FBN3: variants seen among roughly 807,000 people sequenced by gnomAD.
FBN3 encodes the protein fibrillin-3.
In FBN3, 234 loss-of-function variants were observed where a neutral mutation model predicts 330.1. That is an observed-to-expected ratio of 0.71 (90% CI 0.64 to 0.79). The LOEUF is 0.79. FBN3 is among the 30% of genes least tolerant of loss of function. The pLI is 0.00. For synonymous variants in FBN3, 1,458 were observed against 1,517.3 expected, an observed-to-expected ratio of 0.96 and a Z score of 0.91; for missense variants, 3,606 against 3,886.9, an observed-to-expected ratio of 0.93 and a Z score of 1.92.
At chr19:8,068,439 G>A (rs1263695908) in intron 63 of FBN3, among the ~76,000 whole-genome samples, 4 of 151,322 alleles carry the variant, frequency 2.6e-5, no homozygotes, top group East Asian at 1.9e-4. Flanking sequence ...GCTCATGCCT[G>A]TACTCCCAGC....
intron 40 of FBN3, 47 bp downstream of exon 40, chr19:8,102,677 T>C (rs755752084): frequency 5.7e-6 from 9 of 1,583,692 alleles, no homozygotes; most frequent in Non-Finnish European, 6.9e-6. Flanking sequence ...TTAACCATTA[T>C]GCTAGGAGGG....
At chr19:8,120,741 T>G (rs1357861163) in intron 25 of FBN3, among the ~76,000 whole-genome samples, 1 of 152,196 alleles carries the variant, frequency 6.6e-6, no homozygotes, top group Admixed American at 6.6e-5. Flanking sequence ...CCTCTCAAAA[T>G]GCTGGGATTA....
rs1286991962 is a variant in FBN3 at position 8,147,421 on chromosome 19, C to A, written c.60G>T (p.Trp20Cys). The change falls in exon 2 of 64, where the codon TGG becomes TGT. Residue 20 changes from tryptophan (W) to cysteine (C), a missense_variant. Trp to Cys is a radical substitution (Grantham distance 215). Coordinates refer to ENST00000600128, the MANE Select transcript of FBN3 (RefSeq NM_032447.5). ...RGPLARLLLA[W>C]SALLCMAGGQ... ...CACCTGCCATGCACAACAGGGCCGA[C>A]CAGGCCAGCAGGAGCCGGGCCAGGG... 3.1e-6 allele frequency: 5 copies of A among 1,591,214 alleles called. No individual in the cohort carries two copies. The highest frequency in any genetic ancestry group is 2.7e-5 in the African/African-American group (2 of 74,552).
intron 57 of FBN3, among the ~76,000 whole-genome samples, chr19:8,082,357 CTCTT>C (rs998644818): frequency 6.9e-5 from 9 of 129,574 alleles, no homozygotes; most frequent in African/African-American, 9.2e-5. Context: ...TTGTCTCTCT[CTCTT>C]TCTTTTTTCT....
intron 57 of FBN3, 71 bp downstream of exon 57, chr19:8,083,176 G>A: frequency 6.3e-7 from 1 of 1,578,094 alleles, no homozygotes; most frequent in Non-Finnish European, 8.7e-7. Context: ...TCTCAGGGAA[G>A]TTGAGTTCAG....
chr19:8,147,445 G>C lies in FBN3; in HGVS notation c.36C>G (p.Pro12=), dbSNP rs1244409385. ...ACCAGGCCAGCAGGAGCCGGGCCAG[G>C]GGGCCCCTTGCCAAATACAGACCCT... ...TLEGLYLARG[P]LARLLLAWSA... The change falls in exon 2 of 64, where the codon CCC becomes CCG. Residue 12 remains proline, a synonymous_variant. Transcript: ENST00000600128. 1 of 1,563,210 alleles carries C rather than the reference G, an allele frequency of 6.4e-7. No individual in the cohort carries two copies. The highest frequency in any genetic ancestry group is 2.3e-5 in the East Asian group (1 of 43,496).
At position 8,100,901 on chromosome 19, in the gene FBN3, C is replaced by T; in HGVS notation, c.5161G>A (p.Asp1721Asn). The T allele has an allele frequency of 2.5e-6, 4 of 1,613,412 alleles. No homozygotes were observed. Among genetic ancestry groups the T allele is most frequent in the Non-Finnish European group, 3.4e-6 (4 of 1,179,628 alleles). The change falls in exon 41 of 64, where the codon GAC (aspartate) becomes AAC (asparagine). Residue 1721 changes from aspartate to asparagine, a missense_variant and splice_region_variant. Asp to Asn is a conservative substitution (Grantham distance 23, BLOSUM62 1). Transcript: ENST00000600128. The part of the protein sequence containing the change: ...LTDIHTGKPL[D>N]IDECGEIPAI... ...GATAGAGCAGGGACCACTCACTCAC[C>T]AAGGGGCTTCCCCGTGTGGATGTCA...
rs141083325 is a variant in FBN3, at chr19:8,124,107, G to A, written c.2732-99C>T. The A allele has an allele frequency of 4.5e-3, 4,809 of 1,060,440 alleles. 12 individuals are homozygous for A. The highest frequency in any genetic ancestry group is 5.9e-3 in the Non-Finnish European group (4,229 of 712,358). 65.7% of individuals were successfully genotyped at this position (1,060,440 alleles called of 1,614,324 possible). ...TCACTCCCATCGGAAACTTTCTCCC[G>A]GACGTAGTCAGGTCGAGGGCCAGAG... On this transcript the variant is annotated intron_variant, in intron 22 of 63. Coordinates refer to ENST00000600128, the MANE Select transcript of FBN3 (RefSeq NM_032447.5).
rs146322736 is a variant in FBN3 at position 8,116,792 on chromosome 19, G to C, written c.3594C>G (p.Asp1198Glu). Residue 1198 changes from aspartate to glutamate, a missense_variant, in exon 29 of 64, where the codon GAC (aspartate) becomes GAG (glutamate). By Grantham distance (45) the Asp-to-Glu change is conservative. Transcript: ENST00000600128. ...MPDGRACADV[D>E]ECEENPRVCD... Reference sequence around the variant, plus strand: ...AAACGCGGGGGTTCTCTTCACACTCGTCCACGTCTGGGGGAGCAGGGTTGG... The same window carrying C: ...AAACGCGGGGGTTCTCTTCACACTCCTCCACGTCTGGGGGAGCAGGGTTGG... The C allele has an allele frequency of 1.9e-6, 3 of 1,613,820 alleles. No homozygotes were observed. The highest frequency in any genetic ancestry group is 2.5e-6 in the Non-Finnish European group (3 of 1,179,862).
At chr19:8,075,214 A>G in intron 60 of FBN3, 24 bp from the exon 61 acceptor site, 2 of 1,570,144 alleles carry the variant, frequency 1.3e-6, no homozygotes, top group Non-Finnish European at 1.7e-6. Flanking sequence ...AGAGGGAGAG[A>G]GGGTTTACCA....
In FBN3 at chr19:8,144,868, G is replaced by A; in HGVS notation, c.541+9C>T. The A allele has an allele frequency of 6.3e-7, 1 of 1,596,476 alleles. No individual in the cohort carries two copies. The highest frequency in any genetic ancestry group is 1.1e-5 in the South Asian group (1 of 87,894). The stretch of plus-strand genomic sequence containing the variant: ...CCCTGTCTACCTCCCACCCGCGCAT[G>A]CTTGGTACCTCTCTCACATTGAGGT... On this transcript the variant is annotated intron_variant, in intron 6 of 63. Transcript: ENST00000600128.
At chr19:8,083,530 C>A (rs529930820) in intron 56 of FBN3, among the ~76,000 whole-genome samples, 158 bp from the exon 57 acceptor site, 1 of 152,272 alleles carries the variant, frequency 6.6e-6, no homozygotes, top group East Asian at 1.9e-4. Context: ...ACCCCATCCT[C>A]AGGCTGCGGA....
chr19:8,135,935 T>TTGGGGGGGGGGGGGGGGGGGGGCC, intron 13 of FBN3, 26 bp downstream of exon 13: 6 of 1,344,156 alleles, frequency 4.5e-6, no homozygotes, highest in Non-Finnish European at 6.0e-6. Flanking sequence ...CGGAAGCCCC[T>TTGGGGGGGGGGGGGGGGGGGGGCC]GCCCACCCGC....
intron 40 of FBN3, among the ~76,000 whole-genome samples, chr19:8,102,522 C>A (rs2082349191): frequency 2.0e-5 from 3 of 152,090 alleles, no homozygotes; most frequent in Admixed American, 2.0e-4. Flanking sequence ...CCAGCCAAAC[C>A]TCTTTTTCTT....
chr19:8,141,930 C>G lies in FBN3; in HGVS notation c.739+10G>C. ...AAGGCCTCCCACTCAGCCCTGACCC[C>G]ACTATTCACCTTGGCAGGCCCCCGT... On this transcript the variant is annotated intron_variant, in intron 7 of 63. Transcript: ENST00000600128. 1 of 1,614,132 alleles carries G rather than the reference C, an allele frequency of 6.2e-7. No homozygotes were observed. The highest frequency in any genetic ancestry group is 8.5e-7 in the Non-Finnish European group (1 of 1,179,960).
chr19:8,121,362 G>A lies in FBN3; in HGVS notation c.3107C>T (p.Pro1036Leu). ...ACAGGTGCCCTGGCCGCAGAGGTCAGGAGAGATGCGACACTCGTCGATATC... is the reference window on the plus strand; with the variant it reads ...ACAGGTGCCCTGGCCGCAGAGGTCAAGAGAGATGCGACACTCGTCGATATC... ...CTDIDECRISPDLCGQGTCVN... is the reference protein window; with the variant it reads ...CTDIDECRISLDLCGQGTCVN... The change falls in exon 25 of 64, where the codon CCT becomes CTT. Residue 1036 changes from proline (P) to leucine (L), a missense_variant. Transcript: ENST00000600128. This position sits in a 1 kb window ranked among gnomAD's most constrained non-coding sequence, Gnocchi z 4.5. The A allele has an allele frequency of 6.2e-7, 1 of 1,610,756 alleles. No homozygotes were observed.
rs1729588109 is a variant in FBN3, at chr19:8,116,899, G to C, written c.3587-100C>G. 2.8e-6 allele frequency: 4 copies of C among 1,421,618 alleles called. No homozygotes were observed. The African/African-American group carries it at 5.7e-5, about 20-fold the overall frequency. 88.1% of individuals were successfully genotyped at this position (1,421,618 alleles called of 1,614,324 possible). On this transcript the variant is annotated intron_variant, in intron 28 of 63. Coordinates refer to ENST00000600128, the MANE Select transcript of FBN3 (RefSeq NM_032447.5). ...CCCAGGACGACCTGTAGCCAGGTGA[G>C]GATAGCGATGGTCACTCGAGTAGTC...
intron 25 of FBN3, among the ~76,000 whole-genome samples, chr19:8,120,600 C>T (rs1018514209): frequency 4.6e-5 from 7 of 151,930 alleles, no homozygotes; most frequent in African/African-American, 1.5e-4. Flanking sequence ...GGGATCCTCC[C>T]TCCTCAGCCT....
chr19:8,070,299 T>C (rs976914460), intron 63 of FBN3, among the ~76,000 whole-genome samples: 1 of 152,214 alleles, frequency 6.6e-6, no homozygotes, highest in Non-Finnish European at 1.5e-5. Context: ...ATATTTGTCA[T>C]GTGTTATAAA....
Sources: gnomAD v4.1 joint callset for allele counts (sites outside exome capture counted in the v4.1 genomes callset) on GRCh38, gnomAD v4.1.1 for gene constraint, Gnocchi (gnomAD v3.1) non-coding constraint, MANE v1.5 for transcripts, NCBI Gene and HGNC (gene_info 2026-07-23, HGNC 2026-07-21) for gene names.